The following BTRC variants were observed in gnomAD, a reference collection of about 807,000 sequenced individuals.
BTRC encodes F-box/WD repeat-containing protein 1A.
A neutral mutation model predicts 85.5 loss-of-function variants in BTRC; 42 were observed. The observed-to-expected ratio is 0.49, with a 90% confidence interval of 0.38 to 0.64. The LOEUF (loss-of-function observed/expected upper bound fraction) is 0.64. Among genes scored for constraint, BTRC ranks in the 30% least tolerant of loss-of-function variants. BTRC has a pLI of 0.00. For missense variants in BTRC, 594 were observed against 743.5 expected (o/e 0.80, Z 2.34); for synonymous variants, 255 against 263.3 (o/e 0.97, Z 0.30).
intron 1 of BTRC, among the ~76,000 whole-genome samples, chr10:101,422,337 ATTTG>A: frequency 6.6e-6 from 1 of 152,082 alleles, no homozygotes; most frequent in Non-Finnish European, 1.5e-5. Context: ...TTTCTTGTAA[ATTTG>A]TTTGAGTTCT....
chr10:101,478,677 C>T (rs1589525108), intron 3 of BTRC, among the ~76,000 whole-genome samples: 2 of 151,476 alleles, frequency 1.3e-5, no homozygotes, highest in African/African-American at 4.8e-5. Context: ...CTGTAGTCCC[C>T]CACCTACTCT....
intron 2 of BTRC, among the ~76,000 whole-genome samples, chr10:101,459,573 AC>A (rs1461438968): frequency 2.6e-5 from 4 of 152,196 alleles, no homozygotes; most frequent in African/African-American, 9.7e-5. Context: ...AAAAGAACAT[AC>A]CAATGTTTAT....
intron 4 of BTRC, among the ~76,000 whole-genome samples, chr10:101,501,174 T>A (rs1946390999): frequency 6.9e-6 from 1 of 145,386 alleles, no homozygotes; most frequent in Non-Finnish European, 1.5e-5. Flanking sequence ...GGCAACAGAG[T>A]GAGACTGCGT....
rs529118587 is a variant in BTRC, at chr10:101,472,658, T to C, written c.235-6710T>C. On this transcript the variant is annotated intron_variant, in intron 3 of 14. Transcript: ENST00000370187. ...GGTGAAACCCTGTCTCTACTAAAAATACAAAAATTATCTGGGCATGGTGGC... is the reference window on the plus strand; with the variant it reads ...GGTGAAACCCTGTCTCTACTAAAAACACAAAAATTATCTGGGCATGGTGGC... Among the ~76,000 whole-genome samples the C allele has an allele frequency of 9.2e-5, 14 of 152,226 alleles. No homozygotes were observed. In the South Asian group the frequency reaches 2.7e-3, roughly 29 times the overall value.
chr10:101,409,778 G>A (rs917203872), intron 1 of BTRC, among the ~76,000 whole-genome samples: 2 of 152,194 alleles, frequency 1.3e-5, no homozygotes, highest in African/African-American at 2.4e-5. Flanking sequence ...TGTGCAGTGC[G>A]TGAGTTACCA....
intron 1 of BTRC, among the ~76,000 whole-genome samples, chr10:101,381,639 G>A (rs1942930223): frequency 6.6e-6 from 1 of 152,126 alleles, no homozygotes; most frequent in Admixed American, 6.6e-5. Flanking sequence ...GAAGAGAGGT[G>A]TTGATGGTGT....
chr10:101,403,503 C>T (rs1000507546), intron 1 of BTRC, among the ~76,000 whole-genome samples: 1 of 152,248 alleles, frequency 6.6e-6, no homozygotes, highest in South Asian at 2.1e-4. Flanking sequence ...GGTCTGTAAT[C>T]TCCATTCTGC....
chr10:101,506,527 A>G (rs1278014754), intron 4 of BTRC, among the ~76,000 whole-genome samples: 2 of 152,180 alleles, frequency 1.3e-5, no homozygotes, highest in African/African-American at 4.8e-5. Flanking sequence ...ATTGATGAGC[A>G]GCAGTTCTAT....
intron 1 of BTRC, 54 bp downstream of exon 1, chr10:101,354,282 C>T (rs1941964291): frequency 1.3e-6 from 2 of 1,541,444 alleles, no homozygotes; most frequent in East Asian, 2.5e-5. Context: ...TTGGCGGCGT[C>T]GCTGGCCTGG....
chr10:101,489,988 A>G (rs1589541617), intron 4 of BTRC, among the ~76,000 whole-genome samples: 1 of 152,284 alleles, frequency 6.6e-6, no homozygotes, highest in East Asian at 1.9e-4. Context: ...AGAAATTTTC[A>G]TTAGTCTAGT....
intron 2 of BTRC, among the ~76,000 whole-genome samples, chr10:101,434,791 G>A (rs532325086): frequency 3.3e-4 from 50 of 150,268 alleles, no homozygotes; most frequent in Middle Eastern, 6.9e-3. Flanking sequence ...CTGAAACCCC[G>A]TCTCTACTAA....
intron 4 of BTRC, among the ~76,000 whole-genome samples, chr10:101,485,318 A>C (rs1051630024): frequency 6.6e-6 from 1 of 152,256 alleles, no homozygotes; most frequent in Non-Finnish European, 1.5e-5. Flanking sequence ...AAGAAACAAG[A>C]AACTGAAAGC....
chr10:101,423,169 C>T (rs1179284410), intron 1 of BTRC, among the ~76,000 whole-genome samples: 2 of 152,110 alleles, frequency 1.3e-5, no homozygotes, highest in East Asian at 3.8e-4. Flanking sequence ...CCACCTTGGC[C>T]TCCCAAAGTG....
intron 4 of BTRC, among the ~76,000 whole-genome samples, chr10:101,500,903 A>G (rs1240564598): frequency 6.6e-6 from 1 of 152,144 alleles, no homozygotes; most frequent in Non-Finnish European, 1.5e-5. Context: ...ATGTTTTTTA[A>G]AATTCGAGGG....
At chr10:101,538,198 C>T (rs2062415113) in intron 12 of BTRC, 95 bp from the exon 13 acceptor site, 2 of 998,682 alleles carry the variant, frequency 2.0e-6, no homozygotes, top group Non-Finnish European at 1.6e-6. Flanking sequence ...CTATACTCAC[C>T]ATCCATATTT....
intron 1 of BTRC, among the ~76,000 whole-genome samples, chr10:101,397,855 T>C (rs916811147): frequency 5.3e-5 from 8 of 152,252 alleles, no homozygotes; most frequent in African/African-American, 1.4e-4. Flanking sequence ...TGATAAATGA[T>C]AAACATCCTG....
At chr10:101,354,402 G>A in intron 1 of BTRC, 174 bp downstream of exon 1, 1 of 700,764 alleles carries the variant, frequency 1.4e-6, no homozygotes, top group Non-Finnish European at 2.3e-6. Context: ...GGGTTGCGGA[G>A]CGGACCCAGG....
At chr10:101,462,417 C>T (rs1184940631) in intron 3 of BTRC, among the ~76,000 whole-genome samples, 6 of 152,140 alleles carry the variant, frequency 3.9e-5, no homozygotes, top group Non-Finnish European at 5.9e-5. Flanking sequence ...AGGTGGCTAA[C>T]GCCTATAATC....
At chr10:101,484,745 CTG>C (rs1945938060) in intron 4 of BTRC, among the ~76,000 whole-genome samples, 1 of 152,182 alleles carries the variant, frequency 6.6e-6, no homozygotes, top group Non-Finnish European at 1.5e-5. Context: ...GTTGGAAAAA[CTG>C]TGGAGTATAA....
Sources: gnomAD v4.1 joint callset for allele counts (sites outside exome capture counted in the v4.1 genomes callset) on GRCh38, gnomAD v4.1.1 for gene constraint, MANE v1.5 for transcripts, NCBI Gene and HGNC (gene_info 2026-07-23, HGNC 2026-07-21) for gene names.